Variants in PRTFDC1 observed in about 807,000 individuals in gnomAD.
PRTFDC1 encodes phosphoribosyl transferase domain containing 1, also known as phosphoribosyltransferase domain-containing protein 1.
Under a neutral mutation model 34.6 loss-of-function variants are expected in PRTFDC1, and 38 were observed. The observed-to-expected ratio is 1.10, with a 90% CI of 0.85 to 1.44. PRTFDC1 has a LOEUF of 1.44. Among genes scored for constraint, PRTFDC1 ranks in the 40% most tolerant of loss-of-function variants. The pLI is 0.00. For missense variants in PRTFDC1, 270 were observed against 283.0 expected, an observed-to-expected ratio of 0.95 and a Z score of 0.33; for synonymous variants, 93 against 98.1, an observed-to-expected ratio of 0.95 and a Z score of 0.31.
At chr10:24,914,945 T>A (rs1453078096) in intron 3 of PRTFDC1, among the ~76,000 whole-genome samples, 1 of 152,108 alleles carries the variant, frequency 6.6e-6, no homozygotes, top group Non-Finnish European at 1.5e-5. Flanking sequence ...CATAAAAAAA[T>A]CTTCTCATAG....
intron 3 of PRTFDC1, among the ~76,000 whole-genome samples, chr10:24,927,743 A>T (rs1964150): frequency 0.32 from 48,757 of 151,348 alleles, 9,180 homozygotes; most frequent in African/African-American, 0.53. Flanking sequence ...CACCACGTCC[A>T]GCTAATTTTT....
intron 3 of PRTFDC1, among the ~76,000 whole-genome samples, chr10:24,924,621 A>C (rs182199092): frequency 5.6e-4 from 86 of 152,374 alleles, no homozygotes; most frequent in African/African-American, 2.0e-3. Context: ...AAACAAATTT[A>C]CAAGAAAAAA....
In PRTFDC1 at chr10:24,908,674, C is replaced by T. The variant is rs1256817648; in HGVS notation, c.339+28510G>A. On this transcript the variant is annotated intron_variant, in intron 3 of 8. Transcript: ENST00000320152. ...TATCACAGATGGTTGTCCTCTTCAA[C>T]CGAGCACGCAGCTTTGGGAGAGACA... 5 of 1,604,508 alleles carry T rather than the reference C, an allele frequency of 3.1e-6. No individual in the cohort carries two copies. In the Admixed American group the frequency reaches 6.8e-5, roughly 22 times the overall value.
chr10:24,905,837 G>T (rs1451137335), intron 3 of PRTFDC1, among the ~76,000 whole-genome samples: 1 of 151,874 alleles, frequency 6.6e-6, no homozygotes, highest in Non-Finnish European at 1.5e-5. Flanking sequence ...ATATTTTGAG[G>T]TCTCATTCAT....
chr10:24,927,950 A>G (rs1341714097), intron 3 of PRTFDC1, among the ~76,000 whole-genome samples: 1 of 152,194 alleles, frequency 6.6e-6, no homozygotes, highest in African/African-American at 2.4e-5. Flanking sequence ...AGCTATTTGA[A>G]CACTTGCAAA....
At chr10:24,906,891 G>A (rs924719521) in intron 3 of PRTFDC1, among the ~76,000 whole-genome samples, 8 of 152,196 alleles carry the variant, frequency 5.3e-5, no homozygotes, top group South Asian at 4.1e-4. Flanking sequence ...TCAGGAGGCT[G>A]TGGCACTGTT....
chr10:24,946,281 G>C (rs1849249148), intron 1 of PRTFDC1, among the ~76,000 whole-genome samples: 2 of 151,922 alleles, frequency 1.3e-5, no homozygotes, highest in South Asian at 4.1e-4. Flanking sequence ...GTTTCCCCTT[G>C]CTTTAAATAA....
At position 24,849,782 on chromosome 10, in the gene PRTFDC1, C is replaced by T; in HGVS notation, c.*62G>A. 6.5e-7 allele frequency: 1 copy of T among 1,540,586 alleles called. No homozygotes were observed. The highest frequency in any genetic ancestry group is 9.0e-7 in the Non-Finnish European group (1 of 1,115,452). On this transcript the variant is annotated 3_prime_UTR_variant, in exon 9 of 9. Coordinates refer to ENST00000320152, the MANE Select transcript of PRTFDC1 (RefSeq NM_020200.7). ...CTGGGGGGACAAACTTGACAGCTGG[C>T]TTCCCAAGTACAGGCGTAAATATGA...
chr10:24,920,685 A>C (rs576771294), intron 3 of PRTFDC1, among the ~76,000 whole-genome samples: 1 of 152,346 alleles, frequency 6.6e-6, no homozygotes, highest in Non-Finnish European at 1.5e-5. Context: ...CCTGGAACTT[A>C]AAATAAAATT....
At chr10:24,908,922 A>C in intron 3 of PRTFDC1, 1 of 514,816 alleles carries the variant, frequency 1.9e-6, no homozygotes, top group Non-Finnish European at 3.3e-6. Context: ...GTAAAGTCTC[A>C]TCCTAGGAAG....
At chr10:24,942,101 A>G (rs1849167888) in intron 2 of PRTFDC1, among the ~76,000 whole-genome samples, 1 of 152,190 alleles carries the variant, frequency 6.6e-6, no homozygotes, top group South Asian at 2.1e-4. Flanking sequence ...TAGCTTATGT[A>G]TGTATATCCT....
At chr10:24,907,410 C>T (rs1848554640) in intron 3 of PRTFDC1, among the ~76,000 whole-genome samples, 1 of 151,906 alleles carries the variant, frequency 6.6e-6, no homozygotes, top group African/African-American at 2.4e-5. Flanking sequence ...GCATGGTCAA[C>T]ATGGTGAAAC....
At chr10:24,862,281 A>G (rs1847692028) in intron 4 of PRTFDC1, among the ~76,000 whole-genome samples, 2 of 152,200 alleles carry the variant, frequency 1.3e-5, no homozygotes, top group Admixed American at 1.3e-4. Flanking sequence ...TGGCCTTTGT[A>G]GCTGGTTTAT....
chr10:24,890,007 T>C (rs527998844), intron 3 of PRTFDC1, among the ~76,000 whole-genome samples: 54 of 152,314 alleles, frequency 3.5e-4, no homozygotes, highest in African/African-American at 1.3e-3. Context: ...GTCCATATTA[T>C]CCAAGCAGAA....
chr10:24,884,717 AG>A (rs1848135500), intron 3 of PRTFDC1, among the ~76,000 whole-genome samples: 1 of 152,200 alleles, frequency 6.6e-6, no homozygotes, highest in South Asian at 2.1e-4. Flanking sequence ...GGGTAGAGTT[AG>A]GGGCAGTGGT....
At chr10:24,951,346 A>C (rs1849340607) in intron 1 of PRTFDC1, among the ~76,000 whole-genome samples, 1 of 152,190 alleles carries the variant, frequency 6.6e-6, no homozygotes, top group South Asian at 2.1e-4. Context: ...ACGCAAGCTC[A>C]TGAAGACAAG....
chr10:24,851,891 G>A (rs987997113), intron 7 of PRTFDC1, among the ~76,000 whole-genome samples: 5 of 151,762 alleles, frequency 3.3e-5, no homozygotes, highest in South Asian at 2.1e-4. Context: ...GAACAGGTGC[G>A]CGGGCCACAG....
chr10:24,858,796 C>T (rs190034720), intron 4 of PRTFDC1, among the ~76,000 whole-genome samples: 7 of 152,204 alleles, frequency 4.6e-5, no homozygotes, highest in African/African-American at 1.4e-4. Flanking sequence ...TAATGGAGAC[C>T]GTGCTCGGTA....
intron 3 of PRTFDC1, among the ~76,000 whole-genome samples, chr10:24,932,081 T>C (rs1848981474): frequency 6.6e-6 from 1 of 152,014 alleles, no homozygotes; most frequent in South Asian, 2.1e-4. Flanking sequence ...CAATGTATTT[T>C]ACCATATCAA....
Sources: gnomAD v4.1 joint callset for allele counts (sites outside exome capture counted in the v4.1 genomes callset) on GRCh38, gnomAD v4.1.1 for gene constraint, MANE v1.5 for transcripts, NCBI Gene and HGNC (gene_info 2026-07-23, HGNC 2026-07-21) for gene names.